MEGF11: variants seen among roughly 807,000 people sequenced by gnomAD.
The protein encoded by MEGF11 is multiple EGF like domains 11, also known as multiple epidermal growth factor-like domains protein 11.
Under a neutral mutation model 146.6 loss-of-function variants are expected in MEGF11, and 126 were observed. The observed-to-expected ratio is 0.86, with a 90% CI of 0.74 to 1.00. The LOEUF (loss-of-function observed/expected upper bound fraction) is 1.00, where lower values mean the gene tolerates loss of function less well. Ranked by LOEUF, MEGF11 falls within the 50% of genes least tolerant of loss-of-function variation. The probability of loss-of-function intolerance (pLI) is 0.00; values close to 1 mark genes in which losing one functional copy is unlikely to be tolerated. For synonymous variants in MEGF11, 532 were observed against 583.4 expected (o/e 0.91, Z 1.27); for missense variants, 1,509 against 1,521.2 (o/e 0.99, Z 0.13).
chr15:65,925,751 T>C (rs1177858968), intron 13 of MEGF11, among the ~76,000 whole-genome samples: 1 of 152,180 alleles, frequency 6.6e-6, no homozygotes, highest in Non-Finnish European at 1.5e-5. Flanking sequence ...TAGGAATCCA[T>C]ACATGTTGAT....
intron 1 of MEGF11, among the ~76,000 whole-genome samples, chr15:66,155,213 C>T (rs991488780): frequency 6.6e-6 from 1 of 152,172 alleles, no homozygotes; most frequent in East Asian, 1.9e-4. Context: ...AGGTCACCCC[C>T]TGTGCAGTAA....
At chr15:65,996,810 A>C (rs553261897) in intron 5 of MEGF11, among the ~76,000 whole-genome samples, 2 of 152,278 alleles carry the variant, frequency 1.3e-5, no homozygotes, top group Admixed American at 6.5e-5. Context: ...CAGCACCTCT[A>C]TGCTGACCAG....
intron 5 of MEGF11, among the ~76,000 whole-genome samples, chr15:66,083,154 G>A (rs921955246): frequency 5.9e-5 from 9 of 152,188 alleles, no homozygotes; most frequent in African/African-American, 2.2e-4. Context: ...TCCCAGTGCT[G>A]GCCTGACCTG....
chr15:66,001,945 C>T (rs1042261030), intron 5 of MEGF11, among the ~76,000 whole-genome samples: 2 of 152,180 alleles, frequency 1.3e-5, no homozygotes, highest in Non-Finnish European at 2.9e-5. Context: ...CGGTCCTCTC[C>T]TCTTCTGGGT....
intron 5 of MEGF11, among the ~76,000 whole-genome samples, chr15:66,065,411 C>T (rs1477376982): frequency 6.6e-6 from 1 of 152,172 alleles, no homozygotes; most frequent in African/African-American, 2.4e-5. Flanking sequence ...AGATGGGATG[C>T]CACCCCCTGC....
At chr15:66,191,656 G>A (rs753716926) in intron 1 of MEGF11, among the ~76,000 whole-genome samples, 6 of 152,208 alleles carry the variant, frequency 3.9e-5, no homozygotes, top group Non-Finnish European at 7.3e-5. Context: ...TATCACAGCG[G>A]CCTCAGAGCA....
In MEGF11 at chr15:65,916,181, G is replaced by A. The variant is rs765193130; in HGVS notation, c.2311C>T (p.Arg771Cys). The part of the protein sequence containing the change: ...CDHISGKCTC[R>C]TGFTGQHCEQ... Reference sequence around the variant, plus strand: ...CAGTGTTGCCCGGTGAAGCCTGTGCGGCAGGTGCACTTGCCACTGATGTGG... The same window carrying A: ...CAGTGTTGCCCGGTGAAGCCTGTGCAGCAGGTGCACTTGCCACTGATGTGG... The change falls in exon 18 of 26, where the codon CGC becomes TGC. Residue 771 changes from arginine (R) to cysteine (C), a missense_variant. By Grantham distance (180) the Arg-to-Cys change is radical (BLOSUM62 -3). Transcript: ENST00000395614. The A allele has an allele frequency of 1.3e-5, 21 of 1,587,002 alleles. No homozygotes were observed. The East Asian group carries it at 1.4e-4, about 10-fold the overall frequency.
chr15:66,030,826 C>T, intron 5 of MEGF11, among the ~76,000 whole-genome samples: 1 of 152,218 alleles, frequency 6.6e-6, no homozygotes, highest in East Asian at 1.9e-4. Flanking sequence ...TGCACAAGGA[C>T]TTCAGCAAGG....
chr15:66,101,499 C>T (rs1262598304), intron 4 of MEGF11, among the ~76,000 whole-genome samples: 1 of 152,166 alleles, frequency 6.6e-6, no homozygotes, highest in Non-Finnish European at 1.5e-5. Context: ...GGATGAGGTC[C>T]TCTCACTGCT....
chr15:66,155,162 G>A (rs1011727237), intron 1 of MEGF11, among the ~76,000 whole-genome samples: 2 of 152,194 alleles, frequency 1.3e-5, no homozygotes, highest in Non-Finnish European at 2.9e-5. Flanking sequence ...CTGACTTCCT[G>A]GTCAGTTCTG....
intron 1 of MEGF11, among the ~76,000 whole-genome samples, chr15:66,179,734 G>C (rs1284698782): frequency 3.9e-5 from 6 of 152,022 alleles, no homozygotes; most frequent in Non-Finnish European, 2.9e-5. Flanking sequence ...CAGAATTAAA[G>C]CCACGTGGAT....
intron 1 of MEGF11, among the ~76,000 whole-genome samples, chr15:66,220,527 T>A (rs35024692): frequency 0.014 from 4 of 286 alleles, no homozygotes; most frequent in African/African-American, 0.025. Flanking sequence ...TTTCGTTGGG[T>A]TTTTTTTTTT....
chr15:65,958,271 C>G (rs898396900), intron 9 of MEGF11, among the ~76,000 whole-genome samples: 1 of 152,238 alleles, frequency 6.6e-6, no homozygotes, highest in African/African-American at 2.4e-5. Context: ...AGAGAGCAAC[C>G]CCAACCTACG....
In MEGF11 at chr15:65,898,781, G is replaced by A. The variant is rs141847429; in HGVS notation, c.3209C>T (p.Pro1070Leu). 1,559 of 1,613,900 alleles carry A rather than the reference G, an allele frequency of 9.7e-4. 16 individuals carry two copies. In the African/African-American group the frequency reaches 0.019, roughly 19 times the overall value. The change falls in exon 25 of 26, where the codon CCG becomes CTG. Residue 1070 changes from proline to leucine, a missense_variant. Physicochemically the swap from Pro to Leu is moderately conservative, Grantham distance 98. Coordinates refer to ENST00000395614, the MANE Select transcript of MEGF11 (RefSeq NM_001385028.1). ...EMKSPVHMGSPYTDVPSLSTS... is the reference protein window; with the variant it reads ...EMKSPVHMGSLYTDVPSLSTS... Reference sequence around the variant, plus strand: ...CGACAAGGATGGCACATCTGTGTACGGAGACCCCATGTGCACAGGCGACTT... The same window carrying A: ...CGACAAGGATGGCACATCTGTGTACAGAGACCCCATGTGCACAGGCGACTT...
intron 5 of MEGF11, among the ~76,000 whole-genome samples, chr15:66,006,579 C>T (rs982486694): frequency 3.0e-4 from 45 of 152,324 alleles, no homozygotes; most frequent in African/African-American, 1.1e-3. Flanking sequence ...ATTCCAAATC[C>T]TGCTGTTGTG....
Position 66,119,101 on chromosome 15 carries a change from C to T in MEGF11, c.286G>A (p.Gly96Arg), listed in dbSNP as rs761041127. The change falls in exon 4 of 26, where the codon GGA (glycine) becomes AGA (arginine). Residue 96 changes from glycine to arginine, a missense_variant. Transcript: ENST00000395614. ...CCCTACATACGTATGCAGAAGTCTC[C>T]GCTCTCATAGTAGCCAGGGCAGCAC... ...SQCCPGYYES[G>R]DFCIPLCTEE... is the part of the protein sequence containing the mutation. The T allele has an allele frequency of 1.1e-4, 169 of 1,550,912 alleles. No homozygotes were observed. Among genetic ancestry groups the T allele is most frequent in the South Asian group, 4.2e-4 (35 of 84,024 alleles).
intron 1 of MEGF11, among the ~76,000 whole-genome samples, chr15:66,147,457 G>A (rs1429055379): frequency 1.3e-5 from 2 of 152,216 alleles, no homozygotes; most frequent in Non-Finnish European, 2.9e-5. Context: ...GAAAACCACA[G>A]ACCCTGTGGT....
chr15:65,988,265 C>T (rs570115844), intron 5 of MEGF11, among the ~76,000 whole-genome samples: 38 of 152,240 alleles, frequency 2.5e-4, no homozygotes, highest in South Asian at 8.3e-4. Context: ...GCCTCGGCCT[C>T]CCAAAGTGCT....
intron 1 of MEGF11, among the ~76,000 whole-genome samples, chr15:66,138,320 A>G (rs1028678759): frequency 6.6e-6 from 1 of 152,200 alleles, no homozygotes; most frequent in Admixed American, 6.5e-5. Context: ...GACTGCTATC[A>G]CAATGGTGTG....
Sources: allele counts gnomAD v4.1 joint callset (sites outside exome capture counted in the v4.1 genomes callset), GRCh38; gene constraint gnomAD v4.1.1; transcripts MANE v1.5; gene names NCBI Gene and HGNC (gene_info 2026-07-23, HGNC 2026-07-21).